The following LRBA variants were observed in gnomAD, a reference collection of about 807,000 sequenced individuals.
LRBA encodes lipopolysaccharide-responsive and beige-like anchor protein.
In LRBA, 176 loss-of-function variants were observed where a neutral mutation model predicts 330.0. The observed-to-expected ratio is 0.53, with a 90% confidence interval of 0.47 to 0.60. LRBA has a LOEUF of 0.60. LRBA is among the 20% of genes least tolerant of loss of function. The pLI is 0.00. For missense variants in LRBA, 3,259 were observed against 3,444.8 expected, an observed-to-expected ratio of 0.95 and a Z score of 1.35; for synonymous variants, 1,230 against 1,193.0, an observed-to-expected ratio of 1.03 and a Z score of -0.64.
intron 2 of LRBA, among the ~76,000 whole-genome samples, chr4:150,938,586 C>G (rs573494008): frequency 1.3e-5 from 2 of 152,168 alleles, no homozygotes; most frequent in African/African-American, 4.8e-5. Flanking sequence ...GCAGTAAATA[C>G]GTGCAACCTC....
chr4:150,896,382 T>C lies in LRBA; in HGVS notation c.2067+12A>G. The C allele has an allele frequency of 1.4e-6, 2 of 1,380,834 alleles. No homozygotes were observed. The highest frequency in any genetic ancestry group is 2.0e-6 in the Non-Finnish European group (2 of 991,986). 85.5% of individuals were successfully genotyped at this position (1,380,834 alleles called of 1,614,324 possible). The stretch of plus-strand genomic sequence containing the variant: ...AAAATTAAAATTTCAAAATATAAAA[T>C]TCATATATTACCTCATGCATAGTCA... On this transcript the variant is annotated intron_variant, in intron 16 of 56. Coordinates refer to ENST00000651943, the MANE Select transcript of LRBA (RefSeq NM_001364905.1).
intron 34 of LRBA, among the ~76,000 whole-genome samples, chr4:150,763,922 C>T (rs1328279976): frequency 6.6e-6 from 1 of 151,984 alleles, no homozygotes; most frequent in South Asian, 2.1e-4. Context: ...GCAAGAAGTA[C>T]GATACTTCAA....
chr4:150,834,609 C>A (rs1747722409), intron 28 of LRBA, among the ~76,000 whole-genome samples: 1 of 152,146 alleles, frequency 6.6e-6, no homozygotes, highest in African/African-American at 2.4e-5. Flanking sequence ...AGGCTTTGTC[C>A]TTCCTTTTAT....
At chr4:150,671,512 G>T (rs1322742368) in intron 37 of LRBA, among the ~76,000 whole-genome samples, 2 of 152,110 alleles carry the variant, frequency 1.3e-5, no homozygotes, top group Non-Finnish European at 2.9e-5. Flanking sequence ...TTGTTCTGAT[G>T]ATAATGATTT....
At chr4:150,695,804 T>A (rs1325886875) in intron 36 of LRBA, among the ~76,000 whole-genome samples, 2 of 152,226 alleles carry the variant, frequency 1.3e-5, no homozygotes, top group Admixed American at 6.5e-5. Flanking sequence ...AAGCAAATCC[T>A]ATCATCTTTT....
At chr4:150,517,395 G>C (rs6854764) in intron 40 of LRBA, among the ~76,000 whole-genome samples, 55,300 of 151,812 alleles carry the variant, frequency 0.36, 11,201 homozygotes, top group Non-Finnish European at 0.47. Context: ...GTGGCATGCA[G>C]CCATAGTCCC....
intron 44 of LRBA, among the ~76,000 whole-genome samples, chr4:150,459,221 A>C (rs1754460397): frequency 6.6e-6 from 1 of 151,764 alleles, no homozygotes; most frequent in Non-Finnish European, 1.5e-5. Context: ...TTTCAGTTAT[A>C]ATCCTCCTGT....
At chr4:150,588,026 T>C (rs1473232815) in intron 40 of LRBA, 22 bp downstream of exon 40, 1 of 1,605,918 alleles carries the variant, frequency 6.2e-7, no homozygotes, top group Non-Finnish European at 8.5e-7. Context: ...TAAGAAAAAA[T>C]GAAACCCCTT....
intron 56 of LRBA, among the ~76,000 whole-genome samples, chr4:150,267,479 A>C (rs1046015023): frequency 1.3e-5 from 2 of 152,218 alleles, no homozygotes; most frequent in Admixed American, 6.5e-5. Flanking sequence ...GAGACAAATG[A>C]AAAGGAAATA....
chr4:150,570,860 T>C (rs1561368311), intron 40 of LRBA, among the ~76,000 whole-genome samples: 1 of 152,168 alleles, frequency 6.6e-6, no homozygotes, highest in Admixed American at 6.6e-5. Context: ...AAATTTGTGG[T>C]TAAATGCCTT....
intron 36 of LRBA, among the ~76,000 whole-genome samples, chr4:150,727,077 T>G (rs867057029): frequency 1.1e-4 from 15 of 134,242 alleles, no homozygotes; most frequent in South Asian, 2.6e-4. Flanking sequence ...GTTTTTTTTT[T>G]TTTTTTTTTT....
intron 37 of LRBA, among the ~76,000 whole-genome samples, chr4:150,670,038 A>C (rs1025452498): frequency 1.3e-5 from 2 of 152,180 alleles, no homozygotes; most frequent in African/African-American, 4.8e-5. Context: ...ACGTTTCTAC[A>C]TATTAACTAT....
intron 37 of LRBA, among the ~76,000 whole-genome samples, chr4:150,658,103 C>A (rs1780394459): frequency 6.6e-6 from 1 of 151,952 alleles, no homozygotes; most frequent in African/African-American, 2.4e-5. Flanking sequence ...AAGGAGATAG[C>A]CTTTGACTAA....
intron 40 of LRBA, chr4:150,579,627 G>C (rs1770983979): frequency 2.2e-6 from 1 of 456,564 alleles, no homozygotes. Context: ...GGGCAAGGAT[G>C]CGAGAAAACT....
At position 150,489,643 on chromosome 4, in the gene LRBA, T is replaced by C. The variant is rs1758627306; in HGVS notation, c.6448+1275A>G. 3.4e-5 allele frequency among the ~76,000 whole-genome samples: 4 copies of C among 118,476 alleles called. No homozygotes were observed. In the East Asian group the frequency reaches 6.9e-4, roughly 20 times the overall value. The allele number at this position is 118,476 out of a possible 152,430, so 77.7% of individuals were successfully genotyped here. On this transcript the variant is annotated intron_variant, in intron 41 of 56. Transcript: ENST00000651943. Reference sequence around the variant, plus strand: ...TAAGAATATATAATATATAAGAATATATAATATATAATATTATATATAAGA... The same window carrying C: ...TAAGAATATATAATATATAAGAATACATAATATATAATATTATATATAAGA...
intron 41 of LRBA, 70 bp from the exon 42 acceptor site, chr4:150,487,904 C>A: frequency 1.4e-6 from 1 of 712,838 alleles, no homozygotes; most frequent in Non-Finnish European, 2.4e-6. Context: ...CTCCTTGGTC[C>A]AATAAAATAT....
intron 33 of LRBA, among the ~76,000 whole-genome samples, chr4:150,804,205 A>C (rs947236801): frequency 9.2e-5 from 14 of 152,320 alleles, no homozygotes; most frequent in African/African-American, 3.4e-4. Flanking sequence ...GTTCATAGCT[A>C]AATAAATTAT....
intron 40 of LRBA, among the ~76,000 whole-genome samples, chr4:150,568,767 C>G (rs561008061): frequency 6.6e-6 from 1 of 152,240 alleles, no homozygotes; most frequent in South Asian, 2.1e-4. Context: ...ACTCCATCCT[C>G]AAAGCTCTAC....
At chr4:150,920,403 G>A in intron 5 of LRBA, among the ~76,000 whole-genome samples, 1 of 152,126 alleles carries the variant, frequency 6.6e-6, no homozygotes, top group East Asian at 1.9e-4. Context: ...ACAAAAATTA[G>A]TCAGGCGTGG....
Sources: allele counts gnomAD v4.1 joint callset (sites outside exome capture counted in the v4.1 genomes callset), GRCh38; gene constraint gnomAD v4.1.1; transcripts MANE v1.5; gene names NCBI Gene and HGNC (gene_info 2026-07-23, HGNC 2026-07-21).